The following PCCA variants were observed in gnomAD, a reference collection of about 807,000 sequenced individuals.
PCCA encodes propionyl-CoA carboxylase subunit alpha, also known as propionyl-CoA carboxylase alpha chain, mitochondrial.
A neutral mutation model predicts 101.3 loss-of-function variants in PCCA; 74 were observed. The observed-to-expected ratio is 0.73, with a 90% CI of 0.61 to 0.89. PCCA has a LOEUF of 0.89. Among genes scored for constraint, PCCA ranks in the 40% least tolerant of loss-of-function variants. The pLI is 0.00. For synonymous variants in PCCA, 294 were observed against 313.6 expected, an observed-to-expected ratio of 0.94 and a Z score of 0.66; for missense variants, 891 against 907.0, an observed-to-expected ratio of 0.98 and a Z score of 0.23.
intron 18 of PCCA, among the ~76,000 whole-genome samples, chr13:100,357,714 A>C (rs1377646037): frequency 6.6e-6 from 1 of 152,242 alleles, no homozygotes; most frequent in Non-Finnish European, 1.5e-5. Flanking sequence ...TGAGATGCAC[A>C]TTTATGTGGC....
intron 18 of PCCA, among the ~76,000 whole-genome samples, chr13:100,352,943 C>G (rs2073453347): frequency 6.6e-6 from 1 of 152,146 alleles, no homozygotes; most frequent in Non-Finnish European, 1.5e-5. Context: ...CCTCAAATGC[C>G]TGGACTCAAG....
At chr13:100,271,581 TAAA>T (rs2063320463) in intron 11 of PCCA, among the ~76,000 whole-genome samples, 2 of 152,138 alleles carry the variant, frequency 1.3e-5, no homozygotes, top group South Asian at 2.1e-4. Context: ...CATTACAGAT[TAAA>T]AGAGTCTTAA....
At chr13:100,416,024 A>G (rs746830416) in intron 19 of PCCA, among the ~76,000 whole-genome samples, 6 of 152,238 alleles carry the variant, frequency 3.9e-5, no homozygotes, top group Admixed American at 6.5e-5. Context: ...TTTCCCTATG[A>G]TGACGTAGAT....
intron 23 of PCCA, among the ~76,000 whole-genome samples, chr13:100,529,513 G>A (rs1302242720): frequency 1.3e-5 from 2 of 152,094 alleles, no homozygotes; most frequent in Non-Finnish European, 2.9e-5. Flanking sequence ...GAAACCGGTA[G>A]GACAAAAAGG....
intron 12 of PCCA, among the ~76,000 whole-genome samples, chr13:100,301,122 A>G (rs1037828209): frequency 2.0e-5 from 3 of 152,360 alleles, no homozygotes; most frequent in South Asian, 2.1e-4. Flanking sequence ...TATCGGCCAC[A>G]TTGAAGATTG....
intron 19 of PCCA, among the ~76,000 whole-genome samples, chr13:100,377,821 T>C (rs935193927): frequency 5.7e-4 from 87 of 152,158 alleles, no homozygotes; most frequent in Non-Finnish European, 3.1e-4. Flanking sequence ...AAGTGGAGCA[T>C]TTAATCCATT....
intron 23 of PCCA, among the ~76,000 whole-genome samples, chr13:100,528,577 C>T (rs1229394498): frequency 6.6e-6 from 1 of 152,214 alleles, no homozygotes; most frequent in African/African-American, 2.4e-5. Context: ...GAAATGGATT[C>T]TCAGAGAAGG....
intron 8 of PCCA, among the ~76,000 whole-genome samples, chr13:100,238,672 A>T (rs1437104212): frequency 6.6e-6 from 1 of 152,200 alleles, no homozygotes; most frequent in Non-Finnish European, 1.5e-5. Flanking sequence ...CTTCTGAATC[A>T]CCTCAGAAGC....
At chr13:100,392,323 G>A (rs1438256853) in intron 19 of PCCA, among the ~76,000 whole-genome samples, 1 of 152,140 alleles carries the variant, frequency 6.6e-6, no homozygotes, top group Non-Finnish European at 1.5e-5. Context: ...AAAAAATACA[G>A]GCAGATATGC....
rs141465012 is a variant in PCCA, at chr13:100,147,636, A to G, written c.301-7343A>G. On this transcript the variant is annotated intron_variant, in intron 4 of 23. Coordinates refer to ENST00000376285, the MANE Select transcript of PCCA (RefSeq NM_000282.4). ...TTATGACTTCATCACTAGACTTTGAATGCATGTGTGATAGCTTTCTCTTTA... is the reference window on the plus strand; with the variant it reads ...TTATGACTTCATCACTAGACTTTGAGTGCATGTGTGATAGCTTTCTCTTTA... Among the ~76,000 whole-genome samples, 734 of 152,324 alleles carry G rather than the reference A, an allele frequency of 4.8e-3. 3 individuals are homozygous for G. The highest frequency in any genetic ancestry group is 7.9e-3 in the Non-Finnish European group (535 of 68,030).
In PCCA at chr13:100,496,059, T is replaced by G. The variant is rs1317374968; in HGVS notation, c.1900-19368T>G. Among the ~76,000 whole-genome samples the G allele has an allele frequency of 2.0e-5, 3 of 152,212 alleles. 1 individual carries two copies. Among genetic ancestry groups the G allele is most frequent in the Non-Finnish European group, 4.4e-5 (3 of 68,030 alleles). ...CATTTCAGCAAATTGCTAACAGTTC[T>G]TAAGTGTGTATTTCATCGACACAGG... On this transcript the variant is annotated intron_variant, in intron 21 of 23. Coordinates refer to ENST00000376285, the MANE Select transcript of PCCA (RefSeq NM_000282.4).
intron 21 of PCCA, among the ~76,000 whole-genome samples, chr13:100,505,744 G>A (rs558849222): frequency 1.3e-4 from 20 of 152,250 alleles, no homozygotes; most frequent in African/African-American, 4.8e-4. Context: ...GCGTCTGCCT[G>A]TAGTCCCAGG....
intron 23 of PCCA, among the ~76,000 whole-genome samples, chr13:100,528,664 C>G (rs1046682852): frequency 2.2e-4 from 33 of 152,146 alleles, no homozygotes; most frequent in Non-Finnish European, 4.4e-4. Context: ...CTGAGCCCAG[C>G]CCGCCGGTCT....
chr13:100,413,216 A>T (rs1054620895), intron 19 of PCCA, among the ~76,000 whole-genome samples: 19 of 152,182 alleles, frequency 1.2e-4, no homozygotes, highest in African/African-American at 4.6e-4. Flanking sequence ...TAATAATATA[A>T]AGTAGGTAGG....
At chr13:100,143,649 C>T (rs531426046) in intron 4 of PCCA, among the ~76,000 whole-genome samples, 117 of 151,630 alleles carry the variant, frequency 7.7e-4, no homozygotes, top group Non-Finnish European at 1.4e-3. Flanking sequence ...CTTATTCTGT[C>T]TTCGGGTATA....
At chr13:100,485,403 T>C (rs761745042) in intron 21 of PCCA, among the ~76,000 whole-genome samples, 1 of 152,188 alleles carries the variant, frequency 6.6e-6, no homozygotes, top group African/African-American at 2.4e-5. Context: ...CATGTTGAAA[T>C]TGAACGCAGA....
intron 12 of PCCA, among the ~76,000 whole-genome samples, chr13:100,279,648 G>GT (rs1281318539): frequency 2.0e-5 from 3 of 151,946 alleles, no homozygotes; most frequent in Admixed American, 6.6e-5. Context: ...GCTAATTTTT[G>GT]TTTTTTTAGT....
intron 2 of PCCA, among the ~76,000 whole-genome samples, chr13:100,110,017 C>A (rs915242100): frequency 1.3e-5 from 2 of 151,990 alleles, no homozygotes; most frequent in East Asian, 1.9e-4. Context: ...ACCTGTAATC[C>A]CAGCTATTAG....
At chr13:100,509,707 G>T (rs2086334181) in intron 21 of PCCA, among the ~76,000 whole-genome samples, 1 of 152,154 alleles carries the variant, frequency 6.6e-6, no homozygotes, top group Non-Finnish European at 1.5e-5. Context: ...TGTTTTAATG[G>T]TAGATGAAAA....
Sources: gnomAD v4.1 joint callset for allele counts (sites outside exome capture counted in the v4.1 genomes callset) on GRCh38, gnomAD v4.1.1 for gene constraint, MANE v1.5 for transcripts, NCBI Gene and HGNC (gene_info 2026-07-23, HGNC 2026-07-21) for gene names.